The following ZAR1L variants were observed in gnomAD, a reference collection of about 807,000 sequenced individuals.
The protein encoded by ZAR1L is zygote arrest 1 like.
In ZAR1L, 16 loss-of-function variants were observed where a neutral mutation model predicts 30.0. That is an observed-to-expected ratio of 0.53 (90% CI 0.36 to 0.81). ZAR1L has a LOEUF of 0.81. Ranked by LOEUF, ZAR1L falls within the 30% of genes least tolerant of loss-of-function variation. The pLI is 0.00. For missense variants in ZAR1L, 392 were observed against 417.2 expected, an observed-to-expected ratio of 0.94 and a Z score of 0.53; for synonymous variants, 197 against 166.8, an observed-to-expected ratio of 1.18 and a Z score of -1.40.
chr13:32,311,517 T>C lies in ZAR1L; in HGVS notation c.409A>G (p.Thr137Ala), dbSNP rs445909. 598,954 of 1,536,252 alleles carry C rather than the reference T, an allele frequency of 0.39. 117,976 individuals are homozygous for C. Among genetic ancestry groups the C allele is most frequent in the East Asian group, 0.51 (20,702 of 40,676 alleles). Residue 137 changes from threonine (T) to alanine (A), a missense_variant, in exon 3 of 6, where the codon ACC becomes GCC. By Grantham distance (58) the Thr-to-Ala change is moderately conservative. Coordinates refer to ENST00000533490, the MANE Select transcript of ZAR1L (RefSeq NM_001136571.2). ...AGGCGGATCAAGCCCCTGCGGCCGGTGGCGGGCGAAGTGACCCCACAGGCT... is the reference window on the plus strand; with the variant it reads ...AGGCGGATCAAGCCCCTGCGGCCGGCGGCGGGCGAAGTGACCCCACAGGCT... ...LPACGVTSPA[T>A]GRRGLIRLRR...
At chr13:32,313,306 TA>T (rs1730005932) in intron 2 of ZAR1L, among the ~76,000 whole-genome samples, 1 of 152,236 alleles carries the variant, frequency 6.6e-6, no homozygotes, top group African/African-American at 2.4e-5. Context: ...TGTGTACATA[TA>T]CATGTTGTGC....
intron 2 of ZAR1L, 53 bp downstream of exon 2, chr13:32,314,277 G>A (rs1455248921): frequency 6.6e-6 from 1 of 152,190 alleles, no homozygotes; most frequent in Admixed American, 6.5e-5. Context: ...CTACAACTAA[G>A]GATTACTGAT....
chr13:32,306,949 AAAAAG>A (rs1213294006), intron 5 of ZAR1L, among the ~76,000 whole-genome samples: 73 of 150,872 alleles, frequency 4.8e-4, no homozygotes, highest in Non-Finnish European at 9.3e-4. Context: ...AAAAAAAAAA[AAAAAG>A]ATATCTGGAC....
chr13:32,308,598 C>T, intron 5 of ZAR1L, 88 bp downstream of exon 5: 1 of 950,110 alleles, frequency 1.1e-6, no homozygotes, highest in Admixed American at 2.2e-5. Context: ...ATACCAATAT[C>T]CAACTCTATC....
At chr13:32,309,868 G>A (rs1243948904) in intron 4 of ZAR1L, among the ~76,000 whole-genome samples, 1 of 152,204 alleles carries the variant, frequency 6.6e-6, no homozygotes, top group East Asian at 1.9e-4. Context: ...TCTAGTAAAT[G>A]GCTAGTGTGA....
At chr13:32,304,671 C>G (rs1199896278) in intron 5 of ZAR1L, among the ~76,000 whole-genome samples, 2 of 152,084 alleles carry the variant, frequency 1.3e-5, no homozygotes, top group East Asian at 1.9e-4. Context: ...TTCTTTCAAC[C>G]ATTATCTCAT....
At chr13:32,306,850 G>C (rs1197815909) in intron 5 of ZAR1L, among the ~76,000 whole-genome samples, 1 of 138,276 alleles carries the variant, frequency 7.2e-6, no homozygotes, top group African/African-American at 2.7e-5. Context: ...AGAATCACTT[G>C]AATCCAGGAG....
chr13:32,303,969 T>G lies in ZAR1L; in HGVS notation c.876A>C (p.Leu292=). ...ACAGTTCCTGTCGATGAGGCCTCCT[T>G]AGATCAATGTGTCTCTTCTTTTGAG... is the stretch of plus-strand genomic sequence containing the variant. The part of the protein sequence containing the change: ...SCPQKKRHID[L]RRPHRQELCG... The change falls in exon 6 of 6, where the codon CTA becomes CTC. Residue 292 remains leucine, a synonymous_variant. Transcript: ENST00000533490. 1 of 1,552,116 alleles carries G rather than the reference T, an allele frequency of 6.4e-7. No homozygotes were observed. The highest frequency in any genetic ancestry group is 8.7e-7 in the Non-Finnish European group (1 of 1,147,078).
chr13:32,311,182 G>T, intron 3 of ZAR1L, 90 bp downstream of exon 3: 1 of 1,353,632 alleles, frequency 7.4e-7, no homozygotes, highest in Non-Finnish European at 9.8e-7. Flanking sequence ...AGAAGAGAGA[G>T]AAGATTTTGC....
chr13:32,308,172 A>G (rs1041551625), intron 5 of ZAR1L, among the ~76,000 whole-genome samples: 2 of 152,230 alleles, frequency 1.3e-5, no homozygotes, highest in African/African-American at 4.8e-5. Context: ...AAACATATCA[A>G]TTACAAAAAG....
Position 32,306,798 on chromosome 13 carries a change from G to C in ZAR1L, c.822+1888C>G, listed in dbSNP as rs558285207. ...ATACAAAAATTAGCCGGGCGTGGTG[G>C]CATGTGCCTGTAATCCCAGCTACTA... On this transcript the variant is annotated intron_variant, in intron 5 of 5. Coordinates refer to ENST00000533490, the MANE Select transcript of ZAR1L (RefSeq NM_001136571.2). 1.8e-4 allele frequency among the ~76,000 whole-genome samples: 27 copies of C among 152,124 alleles called. No homozygotes were observed. The South Asian group carries it at 5.6e-3, about 32-fold the overall frequency.
Position 32,308,992 on chromosome 13 carries a change from A to T in ZAR1L, c.748-232T>A, listed in dbSNP as rs206104. ...TTCCTTACCCATAAAATTGGAATAC[A>T]TTTTTTTTTTTTTTTGAGATGGAGT... is the stretch of plus-strand genomic sequence containing the variant. On this transcript the variant is annotated intron_variant, in intron 4 of 5. Coordinates refer to ENST00000533490, the MANE Select transcript of ZAR1L (RefSeq NM_001136571.2). Among the ~76,000 whole-genome samples the T allele has an allele frequency of 2.7e-3, 397 of 144,582 alleles. 2 individuals are homozygous for T. The highest frequency in any genetic ancestry group is 4.6e-3 in the African/African-American group (179 of 38,986). 94.9% of individuals were successfully genotyped at this position (144,582 alleles called of 152,430 possible).
Position 32,311,961 on chromosome 13 carries a change from A to AG in ZAR1L, c.-37dup, listed in dbSNP as rs753381961. On this transcript the variant is annotated 5_prime_UTR_variant, in exon 3 of 6. It introduces an in-frame stop codon into an upstream open reading frame of the 5' UTR. Transcript: ENST00000533490. Reference sequence around the variant, plus strand: ...GTGCTCAGGCGCAGTCTAATATCCTAGCCAGTTTGTTTGGGTCCTTATTTT... The same window carrying AG: ...GTGCTCAGGCGCAGTCTAATATCCTAGGCCAGTTTGTTTGGGTCCTTATTTT... 2.3e-4 allele frequency: 338 copies of AG among 1,495,336 alleles called. No individual in the cohort carries two copies. The highest frequency in any genetic ancestry group is 2.9e-4 in the Non-Finnish European group (329 of 1,118,712). The allele number at this position is 1,495,336 out of a possible 1,614,324, so 92.6% of individuals were successfully genotyped here.
chr13:32,306,228 A>C (rs905661208), intron 5 of ZAR1L, among the ~76,000 whole-genome samples: 4 of 152,220 alleles, frequency 2.6e-5, no homozygotes, highest in African/African-American at 9.6e-5. Flanking sequence ...AGCATGGAAA[A>C]TATAGATAAG....
At chr13:32,306,867 A>AT (rs371541084) in intron 5 of ZAR1L, among the ~76,000 whole-genome samples, 212 of 137,246 alleles carry the variant, frequency 1.5e-3, no homozygotes, top group African/African-American at 5.4e-3. Flanking sequence ...GGAGGTGGAG[A>AT]TTGCAGTGAG....
chr13:32,305,258 G>A (rs952328007), intron 5 of ZAR1L, among the ~76,000 whole-genome samples: 1 of 150,480 alleles, frequency 6.6e-6, no homozygotes, highest in African/African-American at 2.5e-5. Context: ...ACAGAGTCTC[G>A]CTCTTTTGCC....
chr13:32,308,309 T>TA (rs2138686929), intron 5 of ZAR1L, among the ~76,000 whole-genome samples: 1 of 152,308 alleles, frequency 6.6e-6, no homozygotes, highest in East Asian at 1.9e-4. Context: ...TTCAGATCTA[T>TA]AAAATAGGAA....
chr13:32,312,259 T>A (rs991714046), intron 2 of ZAR1L, among the ~76,000 whole-genome samples, 166 bp from the exon 3 acceptor site: 86 of 152,352 alleles, frequency 5.6e-4, no homozygotes, highest in African/African-American at 1.8e-3. Context: ...ATTCATATAT[T>A]CCTGTAGTGA....
At chr13:32,306,728 C>T (rs568433183) in intron 5 of ZAR1L, among the ~76,000 whole-genome samples, 15 of 152,106 alleles carry the variant, frequency 9.9e-5, no homozygotes, top group African/African-American at 3.6e-4. Flanking sequence ...GTCAGGAGTT[C>T]GAGACAAGCC....
Sources: allele counts gnomAD v4.1 joint callset (sites outside exome capture counted in the v4.1 genomes callset), GRCh38; gene constraint gnomAD v4.1.1; transcripts MANE v1.5; gene names NCBI Gene and HGNC (gene_info 2026-07-23, HGNC 2026-07-21).